NCKAP5: variants seen among roughly 807,000 people sequenced by gnomAD.
NCKAP5 encodes the protein NCK associated protein 5.
NCKAP5 carries 92 observed loss-of-function variants against 167.0 expected under a neutral mutation model. That is an observed-to-expected ratio of 0.55 (90% CI 0.47 to 0.66). The LOEUF (loss-of-function observed/expected upper bound fraction) is 0.66. Among genes scored for constraint, NCKAP5 ranks in the 30% least tolerant of loss-of-function variants. The probability of loss-of-function intolerance (pLI) is 0.00; values close to 1 mark genes in which losing one functional copy is unlikely to be tolerated. For missense variants in NCKAP5, 2,378 were observed against 2,315.0 expected, an observed-to-expected ratio of 1.03 and a Z score of -0.56; for synonymous variants, 891 against 877.4, an observed-to-expected ratio of 1.02 and a Z score of -0.27.
At chr2:133,621,035 T>C in the NCKAP5 span, among the ~76,000 whole-genome samples, 7 of 152,104 alleles carry the variant, frequency 4.6e-5, no homozygotes, top group African/African-American at 1.7e-4. Context: ...GGGTCAACAA[T>C]GAAATCAAGA....
At chr2:133,516,551 C>T (rs183849367) in intron 3 of NCKAP5, among the ~76,000 whole-genome samples, 93 of 152,238 alleles carry the variant, frequency 6.1e-4, no homozygotes, top group Non-Finnish European at 1.2e-3. Context: ...GAGCCTCAGC[C>T]GCTAAGAGGT....
chr2:132,725,479 C>T lies in NCKAP5; in HGVS notation c.5713+148G>A, dbSNP rs149872169. The stretch of plus-strand genomic sequence containing the variant: ...CAAATGGATGTGCATAGACAATCTT[C>T]TGTATGTACCAGAAAATTAGATCTC... On this transcript the variant is annotated intron_variant, in intron 19 of 19. Coordinates refer to ENST00000409261, the MANE Select transcript of NCKAP5 (RefSeq NM_207363.3). 8 of 945,692 alleles carry T rather than the reference C, an allele frequency of 8.5e-6. No homozygotes were observed. In the African/African-American group the frequency reaches 1.3e-4, roughly 16 times the overall value. 58.6% of individuals were successfully genotyped at this position (945,692 alleles called of 1,614,324 possible).
At chr2:133,573,124 G>A (rs1204523003), upstream of NCKAP5, among the ~76,000 whole-genome samples, 1 of 152,142 alleles carries the variant, frequency 6.6e-6, no homozygotes, top group African/African-American at 2.4e-5. Context: ...AACGCATAGT[G>A]GGATAAAGAC....
At chr2:133,373,577 T>C (rs1685945658) in intron 3 of NCKAP5, among the ~76,000 whole-genome samples, 1 of 152,168 alleles carries the variant, frequency 6.6e-6, no homozygotes, top group Admixed American at 6.5e-5. Context: ...AAAGGTTATA[T>C]GGAGAAGCCA....
rs185152601 is a variant in NCKAP5, at chr2:132,708,846, A to G, written c.5713+16781T>C. ...TATTTGTTGGCTGTATGTAATACCA[A>G]TGTCTTTTTTTGGGTTGTATTTTGG... On this transcript the variant is annotated intron_variant, in intron 19 of 19. Transcript: ENST00000409261. 1.1e-3 allele frequency among the ~76,000 whole-genome samples: 163 copies of G among 152,232 alleles called. 1 individual carries two copies. Among genetic ancestry groups the G allele is most frequent in the Non-Finnish European group, 3.8e-4 (26 of 68,032 alleles).
rs146156873 is a variant in NCKAP5 at position 132,941,084 on chromosome 2, G to A, written c.579+22636C>T. Among the ~76,000 whole-genome samples the A allele has an allele frequency of 5.9e-5, 9 of 152,250 alleles. No homozygotes were observed. In the East Asian group the frequency reaches 1.7e-3, roughly 29 times the overall value. On this transcript the variant is annotated intron_variant, in intron 8 of 19. Coordinates refer to ENST00000409261, the MANE Select transcript of NCKAP5 (RefSeq NM_207363.3). ...AACTAGAGACAGTGAGTGAAAGTTG[G>A]CCAAGTCCCCACAACTGTCAGAAAC...
intron 4 of NCKAP5, among the ~76,000 whole-genome samples, chr2:133,230,548 G>C (rs957154861): frequency 2.6e-5 from 4 of 152,052 alleles, no homozygotes; most frequent in Admixed American, 2.6e-4. Flanking sequence ...ATGTTACACT[G>C]GTCACCCTGA....
intron 4 of NCKAP5, among the ~76,000 whole-genome samples, chr2:133,283,477 T>C (rs894893751): frequency 6.6e-6 from 1 of 152,194 alleles, no homozygotes; most frequent in Non-Finnish European, 1.5e-5. Context: ...TTTATTTACC[T>C]AAAACATTAA....
intron 3 of NCKAP5, among the ~76,000 whole-genome samples, chr2:133,327,447 T>C (rs1682530464): frequency 6.6e-6 from 1 of 152,184 alleles, no homozygotes; most frequent in Non-Finnish European, 1.5e-5. Context: ...CCAGTGGCAA[T>C]GCTGTTTAAT....
At chr2:133,073,210 G>C (rs928049225) in intron 6 of NCKAP5, among the ~76,000 whole-genome samples, 1 of 152,024 alleles carries the variant, frequency 6.6e-6, no homozygotes, top group African/African-American at 2.4e-5. Flanking sequence ...CTGTAGGCTA[G>C]AGTAGACAGG....
Position 132,974,203 on chromosome 2 carries a change from A to T in NCKAP5, c.430-10334T>A, listed in dbSNP as rs559434014. ...GGGATATGAAGAAACATCCAACTTTAGGAACTAGTCATTTGTAGAAGTTAA... is the reference window on the plus strand; with the variant it reads ...GGGATATGAAGAAACATCCAACTTTTGGAACTAGTCATTTGTAGAAGTTAA... On this transcript the variant is annotated intron_variant, in intron 7 of 19. Transcript: ENST00000409261. 5.2e-4 allele frequency among the ~76,000 whole-genome samples: 79 copies of T among 152,334 alleles called. 1 individual carries two copies. Among genetic ancestry groups the T allele is most frequent in the Admixed American group, 2.4e-3 (37 of 15,294 alleles).
intron 3 of NCKAP5, among the ~76,000 whole-genome samples, chr2:133,399,479 T>A (rs1476943485): frequency 6.6e-6 from 1 of 152,022 alleles, no homozygotes; most frequent in Non-Finnish European, 1.5e-5. Context: ...GTTCTAAGAT[T>A]CTGTACATAT....
chr2:133,606,745 G>GAAA, the NCKAP5 span, among the ~76,000 whole-genome samples: 3 of 120,684 alleles, frequency 2.5e-5, no homozygotes, highest in Admixed American at 8.6e-5. Context: ...GGAGTTCAGG[G>GAAA]AAAAAAAAAA....
chr2:132,737,207 C>T (rs1691609479), intron 16 of NCKAP5, among the ~76,000 whole-genome samples: 1 of 152,162 alleles, frequency 6.6e-6, no homozygotes. Context: ...CTCGGTACAC[C>T]TGGAACCCAT....
chr2:132,814,803 G>C (rs1431127547), intron 11 of NCKAP5, among the ~76,000 whole-genome samples: 1 of 152,180 alleles, frequency 6.6e-6, no homozygotes, highest in Non-Finnish European at 1.5e-5. Context: ...GAAGTTACAA[G>C]TGCATCAGAA....
At chr2:133,621,225 G>A in the NCKAP5 span, among the ~76,000 whole-genome samples, 1 of 151,988 alleles carries the variant, frequency 6.6e-6, no homozygotes, top group East Asian at 1.9e-4. Flanking sequence ...GCAGAAACAA[G>A]TACAATCCAA....
chr2:132,980,594 A>T (rs1025229942), intron 7 of NCKAP5, among the ~76,000 whole-genome samples: 1 of 152,198 alleles, frequency 6.6e-6, no homozygotes, highest in African/African-American at 2.4e-5. Context: ...TGCCTGTGTC[A>T]AACAGGTTCT....
intron 6 of NCKAP5, among the ~76,000 whole-genome samples, chr2:133,000,906 T>A (rs2077754145): frequency 6.6e-6 from 1 of 152,176 alleles, no homozygotes; most frequent in African/African-American, 2.4e-5. Flanking sequence ...ATTTCATTTA[T>A]ACAAAGTTCT....
At chr2:133,109,340 A>T (rs1030975763) in intron 6 of NCKAP5, among the ~76,000 whole-genome samples, 2 of 152,232 alleles carry the variant, frequency 1.3e-5, no homozygotes, top group Non-Finnish European at 2.9e-5. Flanking sequence ...ACTGAAAAAC[A>T]AAAATACTGT....
Sources: gnomAD v4.1 joint callset for allele counts (sites outside exome capture counted in the v4.1 genomes callset) on GRCh38, gnomAD v4.1.1 for gene constraint, MANE v1.5 for transcripts, NCBI Gene and HGNC (gene_info 2026-07-23, HGNC 2026-07-21) for gene names.